Variants in AAMDC observed in about 807,000 individuals in gnomAD.
AAMDC encodes mth938 domain-containing protein.
A neutral mutation model predicts 15.5 loss-of-function variants in AAMDC; 16 were observed. The ratio of observed to expected loss-of-function variants is 1.03; its 90% confidence interval spans 0.70 to 1.57. The LOEUF (loss-of-function observed/expected upper bound fraction) is 1.57. Among genes scored for constraint, AAMDC ranks in the 40% most tolerant of loss-of-function variants. The probability of loss-of-function intolerance (pLI) is 0.00; values close to 1 mark genes in which losing one functional copy is unlikely to be tolerated. For missense variants in AAMDC, 141 were observed against 144.9 expected (o/e 0.97, Z 0.14); for synonymous variants, 51 against 51.6 (o/e 0.99, Z 0.05).
At chr11:77,840,967 C>T in intron 1 of AAMDC, 1 of 493,410 alleles carries the variant, frequency 2.0e-6, no homozygotes, top group Non-Finnish European at 3.6e-6. Flanking sequence ...AACTGAATAC[C>T]TGAAACTGGG....
At chr11:77,897,741 G>A (rs1304865795) in intron 5 of AAMDC, among the ~76,000 whole-genome samples, 17 of 151,764 alleles carry the variant, frequency 1.1e-4, no homozygotes, top group Admixed American at 8.5e-4. Context: ...TCCTGACCTC[G>A]TGATCCACCC....
At chr11:77,888,253 C>A (rs1952104757) in intron 5 of AAMDC, among the ~76,000 whole-genome samples, 1 of 152,074 alleles carries the variant, frequency 6.6e-6, no homozygotes, top group Admixed American at 6.5e-5. Flanking sequence ...AGAACAGAGC[C>A]CTCAGAAATA....
chr11:77,891,906 C>T lies in AAMDC; in HGVS notation c.329-8665C>T, dbSNP rs543399728. 1.2e-5 allele frequency: 19 copies of T among 1,601,870 alleles called. No individual in the cohort carries two copies. The Admixed American group carries it at 2.9e-4, about 24-fold the overall frequency. ...CACTCATTCACCACAGGCTGGGCCC[C>T]AGACACCTATCAAACCCTGAAGTAG... On this transcript the variant is annotated intron_variant, in intron 5 of 5. Transcript: ENST00000304716.
intron 5 of AAMDC, among the ~76,000 whole-genome samples, chr11:77,883,248 G>A (rs577194346): frequency 6.6e-6 from 1 of 152,118 alleles, no homozygotes; most frequent in Non-Finnish European, 1.5e-5. Flanking sequence ...AAACACCACT[G>A]AGGCCAATTC....
intron 5 of AAMDC, among the ~76,000 whole-genome samples, chr11:77,900,320 T>C (rs1341944640): frequency 6.6e-6 from 1 of 152,082 alleles, no homozygotes; most frequent in African/African-American, 2.4e-5. Context: ...AGGATGCTCT[T>C]GATCTCCTGA....
chr11:77,857,703 T>G (rs1040903723), intron 2 of AAMDC, among the ~76,000 whole-genome samples: 1 of 151,558 alleles, frequency 6.6e-6, no homozygotes, highest in Non-Finnish European at 1.5e-5. Flanking sequence ...TAAGTTGTTT[T>G]TTTTTTTTTT....
At chr11:77,901,180 G>A (rs1952766921), downstream of AAMDC, among the ~76,000 whole-genome samples, 1 of 152,212 alleles carries the variant, frequency 6.6e-6, no homozygotes, top group Admixed American at 6.5e-5. Flanking sequence ...TGTGCTATAT[G>A]TAATGGAGAG....
intron 1 of AAMDC, among the ~76,000 whole-genome samples, chr11:77,828,544 G>A (rs577211349): frequency 3.3e-5 from 5 of 150,594 alleles, no homozygotes; most frequent in Non-Finnish European, 3.0e-5. Context: ...GGTAGTGGGC[G>A]CCTGTAGTCC....
At chr11:77,862,206 T>C (rs964859963) in intron 2 of AAMDC, among the ~76,000 whole-genome samples, 11 of 152,306 alleles carry the variant, frequency 7.2e-5, no homozygotes, top group African/African-American at 2.6e-4. Flanking sequence ...TGGGGAATCG[T>C]TCTCATTCCT....
chr11:77,835,044 C>T (rs1282412599), intron 1 of AAMDC, among the ~76,000 whole-genome samples: 1 of 152,160 alleles, frequency 6.6e-6, no homozygotes, highest in African/African-American at 2.4e-5. Flanking sequence ...GAGACTAGTA[C>T]TTCCTTAATA....
At chr11:77,877,761 TAA>T (rs1227109088) in intron 5 of AAMDC, among the ~76,000 whole-genome samples, 4 of 151,896 alleles carry the variant, frequency 2.6e-5, no homozygotes, top group Non-Finnish European at 5.9e-5. Flanking sequence ...TTTTTTTTTT[TAA>T]ACAGAGATGG....
At chr11:77,849,127 C>T (rs1379024867) in intron 2 of AAMDC, among the ~76,000 whole-genome samples, 2 of 151,838 alleles carry the variant, frequency 1.3e-5, no homozygotes, top group African/African-American at 4.8e-5. Flanking sequence ...GCCTTGATCT[C>T]CCAGGCTCAA....
chr11:77,857,611 G>A (rs533190957), intron 2 of AAMDC, among the ~76,000 whole-genome samples: 17 of 151,080 alleles, frequency 1.1e-4, no homozygotes, highest in Non-Finnish European at 1.6e-4. Context: ...TTAAGTTCTC[G>A]GATACATGTG....
chr11:77,903,412 A>G (rs1418974677), downstream of AAMDC: 1 of 1,606,358 alleles, frequency 6.2e-7, no homozygotes, highest in African/African-American at 1.3e-5. Context: ...ACAAAGGGGC[A>G]GCTACATGCC....
At chr11:77,829,134 G>A (rs1286615906) in intron 1 of AAMDC, among the ~76,000 whole-genome samples, 1 of 152,146 alleles carries the variant, frequency 6.6e-6, no homozygotes, top group Non-Finnish European at 1.5e-5. Context: ...ATGTCATGAG[G>A]GTGGGGCCCT....
chr11:77,886,145 A>C (rs1951995800), intron 5 of AAMDC, among the ~76,000 whole-genome samples: 1 of 151,700 alleles, frequency 6.6e-6, no homozygotes, highest in Admixed American at 6.6e-5. Flanking sequence ...GTTTGAGGTC[A>C]CAGTGAGCTG....
intron 5 of AAMDC, among the ~76,000 whole-genome samples, chr11:77,878,117 T>C (rs200548206): frequency 2.0e-3 from 307 of 152,140 alleles, no homozygotes; most frequent in South Asian, 8.7e-3. Context: ...AATCCCAGCA[T>C]TTTGGGAGGC....
intron 5 of AAMDC, among the ~76,000 whole-genome samples, chr11:77,879,810 C>A (rs1480290843): frequency 1.3e-5 from 2 of 152,130 alleles, no homozygotes; most frequent in Non-Finnish European, 2.9e-5. Flanking sequence ...TCTAACCAAG[C>A]CTGCAAGAAG....
chr11:77,874,045 G>C (rs1357758306), downstream of AAMDC, among the ~76,000 whole-genome samples: 1 of 152,170 alleles, frequency 6.6e-6, no homozygotes, highest in Non-Finnish European at 1.5e-5. Flanking sequence ...AAGAAAAGCT[G>C]AAACAGTATG....
Sources: gnomAD v4.1 joint callset for allele counts (sites outside exome capture counted in the v4.1 genomes callset) on GRCh38, gnomAD v4.1.1 for gene constraint, MANE v1.5 for transcripts, NCBI Gene and HGNC (gene_info 2026-07-23, HGNC 2026-07-21) for gene names.